Variants in ABCG1 observed in about 807,000 individuals in gnomAD.
ABCG1 encodes the protein ATP binding cassette subfamily G member 1, also known as ATP-binding cassette sub-family G member 1.
Under a neutral mutation model 69.2 loss-of-function variants are expected in ABCG1, and 29 were observed. The observed-to-expected ratio is 0.42, with a 90% CI of 0.31 to 0.57. The LOEUF is 0.57. ABCG1 is among the 20% of genes least tolerant of loss of function. The probability of loss-of-function intolerance (pLI) is 0.15; values close to 1 mark genes in which losing one functional copy is unlikely to be tolerated. For missense variants in ABCG1, 718 were observed against 898.1 expected (o/e 0.80, Z 2.56); for synonymous variants, 370 against 374.8 (o/e 0.99, Z 0.15).
chr21:42,225,589 T>C, intron 1 of ABCG1, 82 bp from the exon 2 acceptor site: 2 of 1,545,294 alleles, frequency 1.3e-6, no homozygotes, highest in Non-Finnish European at 1.8e-6. Flanking sequence ...CCAATGACCC[T>C]GAGCCTCATG....
At chr21:42,217,679 CTTTTTTTTTTTTT>C (rs71190409), upstream of ABCG1, among the ~76,000 whole-genome samples, 111 of 61,638 alleles carry the variant, frequency 1.8e-3, no homozygotes, top group South Asian at 0.02. Flanking sequence ...TGGATCTACT[CTTTTTTTTTTTTT>C]TTTTTTTTTT....
chr21:42,200,613 G>A (rs1213971425), intron 1 of ABCG1, among the ~76,000 whole-genome samples: 4 of 102,104 alleles, frequency 3.9e-5, no homozygotes, highest in Non-Finnish European at 3.8e-5. Flanking sequence ...TTTTTTTTTA[G>A]ACGGAGTCTC....
At position 42,295,333 on chromosome 21, in the gene ABCG1, T is replaced by TAAAAAAAAAAAAAAAAAAAAAAA. The variant is rs60677287; in HGVS notation, c.1772+695_1772+717dup. The TAAAAAAAAAAAAAAAAAAAAAAA allele has an allele frequency of 1.4e-4, 8 of 59,022 alleles. 1 individual carries two copies. Among genetic ancestry groups the TAAAAAAAAAAAAAAAAAAAAAAA allele is most frequent in the Admixed American group, 5.5e-4 (2 of 3,614 alleles). The allele number at this position is 59,022 out of a possible 1,614,324, so 3.7% of individuals were successfully genotyped here. On this transcript the variant is annotated intron_variant, in intron 14 of 14. Transcript: ENST00000398449. ...GTGACAGAGTGAGACTCCGTCTCAA[T>TAAAAAAAAAAAAAAAAAAAAAAA]AAAAAAAAAAAAAAAAAAAAAAAAA... is the stretch of plus-strand genomic sequence containing the variant.
chr21:42,284,712 G>A, intron 7 of ABCG1, 29 bp downstream of exon 7: 1 of 1,608,148 alleles, frequency 6.2e-7, no homozygotes, highest in South Asian at 1.1e-5. Context: ...CTCCCCGCCA[G>A]ATTACCACTG....
Position 42,276,687 on chromosome 21 carries a change from T to TGCACCGTGACTAGTG in ABCG1, c.538-199_538-185dup. On this transcript the variant is annotated intron_variant, in intron 4 of 14. Transcript: ENST00000398449. The surrounding 1 kb of genome is among the most constrained non-coding windows in gnomAD (Gnocchi z 5.3). ...TATGCCTAGCTGCACTGTGGATAGC[T>TGCACCGTGACTAGTG]GCACCGTGACTAGTGGCACCGTGGC... The TGCACCGTGACTAGTG allele has an allele frequency of 1.7e-6, 1 of 579,930 alleles. No homozygotes were observed. Among genetic ancestry groups the TGCACCGTGACTAGTG allele is most frequent in the East Asian group, 2.9e-5 (1 of 35,020 alleles). The allele number at this position is 579,930 out of a possible 1,614,324, so 35.9% of individuals were successfully genotyped here. A position where few individuals can be genotyped will look rare whatever the true frequency, so the allele number is the denominator to read the frequency against.
At chr21:42,248,568 A>G (rs562880435) in intron 2 of ABCG1, among the ~76,000 whole-genome samples, 2 of 152,274 alleles carry the variant, frequency 1.3e-5, no homozygotes, top group South Asian at 2.1e-4. Context: ...AAGACTGGAT[A>G]TGACCCAAAT....
chr21:42,250,874 C>A (rs1252522010), intron 2 of ABCG1, among the ~76,000 whole-genome samples: 2 of 152,302 alleles, frequency 1.3e-5, no homozygotes, highest in South Asian at 2.1e-4. Flanking sequence ...AGGAAGGTGG[C>A]CCCCAGACCC....
At chr21:42,242,561 T>C (rs2068067338) in intron 2 of ABCG1, among the ~76,000 whole-genome samples, 1 of 152,048 alleles carries the variant, frequency 6.6e-6, no homozygotes, top group African/African-American at 2.4e-5. Flanking sequence ...GGGAGCTGTA[T>C]TATAGATGTG....
At chr21:42,271,729 G>GA (rs938779377) in intron 3 of ABCG1, among the ~76,000 whole-genome samples, 4 of 152,074 alleles carry the variant, frequency 2.6e-5, no homozygotes, top group African/African-American at 9.7e-5. Flanking sequence ...TGAAGATACA[G>GA]AAAAAATTAG....
At chr21:42,206,461 A>G (rs923728301) in intron 2 of ABCG1, among the ~76,000 whole-genome samples, 5 of 152,224 alleles carry the variant, frequency 3.3e-5, no homozygotes, top group East Asian at 1.9e-4. Context: ...GTGGCCCAGA[A>G]TATGGTCTAA....
Position 42,276,912 on chromosome 21 carries a change from G to C in ABCG1, c.555G>C (p.Lys185Asn). The change falls in exon 5 of 15, where the codon AAG (lysine) becomes AAC (asparagine). Residue 185 changes from lysine to asparagine, a missense_variant. By Grantham distance (94) the Lys-to-Asn change is moderately conservative. Coordinates refer to ENST00000398449, the MANE Select transcript of ABCG1 (RefSeq NM_016818.3). This position sits in a 1 kb window ranked among gnomAD's most constrained non-coding sequence, Gnocchi z 5.3. ...CCCTGCAGGTGTCGGCACATCTGAA[G>C]CTTCAGGAGAAGGATGAAGGCAGAA... ...QEAMMVSAHL[K>N]LQEKDEGRRE... The C allele has an allele frequency of 2.5e-6, 4 of 1,614,224 alleles. No homozygotes were observed. The highest frequency in any genetic ancestry group is 2.5e-6 in the Non-Finnish European group (3 of 1,180,036).
chr21:42,288,439 G>A lies in ABCG1; in HGVS notation c.1224+127G>A. The A allele has an allele frequency of 1.4e-6, 1 of 724,416 alleles. No individual in the cohort carries two copies. Among genetic ancestry groups the A allele is most frequent in the East Asian group, 2.7e-5 (1 of 36,676 alleles). 44.9% of individuals were successfully genotyped at this position (724,416 alleles called of 1,614,324 possible). A position where few individuals can be genotyped will look rare whatever the true frequency, so the allele number is the denominator to read the frequency against. On this transcript the variant is annotated intron_variant, in intron 10 of 14. Transcript: ENST00000398449. The surrounding 1 kb of genome is among the most constrained non-coding windows in gnomAD (Gnocchi z 4.8). ...AGAAATTCATGAGGCCAGGCATGGT[G>A]ACTCATGTCTGTAACCCCAGCACTT...
chr21:42,278,576 C>T (rs956362192), intron 5 of ABCG1, among the ~76,000 whole-genome samples: 3 of 152,150 alleles, frequency 2.0e-5, no homozygotes, highest in Non-Finnish European at 4.4e-5. Flanking sequence ...AGGGAGGAGG[C>T]GGCATCTGCC....
exon 2 of ABCG1, chr21:42,201,578 G>A: frequency 2.0e-6 from 3 of 1,533,260 alleles, no homozygotes; most frequent in Non-Finnish European, 2.6e-6. Flanking sequence ...CCACCACAGC[G>A]CTACACCAAC....
intron 5 of ABCG1, among the ~76,000 whole-genome samples, chr21:42,280,712 C>T (rs183119819): frequency 3.3e-5 from 5 of 152,320 alleles, no homozygotes; most frequent in Admixed American, 2.6e-4. Flanking sequence ...GCATCCCCTC[C>T]GTGAGGGTGG....
intron 2 of ABCG1, chr21:42,201,757 G>T: frequency 6.2e-7 from 1 of 1,613,418 alleles, no homozygotes. Context: ...GGATTTGGAA[G>T]CTAAAGCTCA....
chr21:42,287,857 C>G lies in ABCG1; in HGVS notation c.974-32C>G. On this transcript the variant is annotated intron_variant, in intron 8 of 14. Coordinates refer to ENST00000398449, the MANE Select transcript of ABCG1 (RefSeq NM_016818.3). This position sits in a 1 kb window ranked among gnomAD's most constrained non-coding sequence, Gnocchi z 6.2. Reference sequence around the variant, plus strand: ...GGTGGTTGGGGTGTCCTTCCTGGAGCCCGGGCTGACCCCCGTCTGTGTCTC... The same window carrying G: ...GGTGGTTGGGGTGTCCTTCCTGGAGGCCGGGCTGACCCCCGTCTGTGTCTC... 6.5e-7 allele frequency: 1 copy of G among 1,527,578 alleles called. No individual in the cohort carries two copies. The highest frequency in any genetic ancestry group is 8.8e-7 in the Non-Finnish European group (1 of 1,135,570). The allele number at this position is 1,527,578 out of a possible 1,614,324, so 94.6% of individuals were successfully genotyped here. A position where few individuals can be genotyped will look rare whatever the true frequency, so the allele number is the denominator to read the frequency against.
intron 13 of ABCG1, among the ~76,000 whole-genome samples, chr21:42,292,815 G>C (rs1254582202): frequency 1.3e-4 from 12 of 89,024 alleles, no homozygotes; most frequent in East Asian, 3.6e-4. Context: ...ACACTACACA[G>C]TACACACCAC....
intron 2 of ABCG1, among the ~76,000 whole-genome samples, chr21:42,248,421 G>A (rs1044008227): frequency 2.0e-5 from 3 of 152,136 alleles, no homozygotes; most frequent in Non-Finnish European, 2.9e-5. Flanking sequence ...GGCACCACCC[G>A]TGGGGGGTGC....
Sources: gnomAD v4.1 joint callset for allele counts (sites outside exome capture counted in the v4.1 genomes callset) on GRCh38, gnomAD v4.1.1 for gene constraint, Gnocchi (gnomAD v3.1) non-coding constraint, MANE v1.5 for transcripts, NCBI Gene and HGNC (gene_info 2026-07-23, HGNC 2026-07-21) for gene names.